Variants in GCAT observed in about 807,000 individuals in gnomAD.
GCAT encodes the protein 2-amino-3-ketobutyrate coenzyme A ligase, mitochondrial.
GCAT carries 26 observed loss-of-function variants against 39.7 expected under a neutral mutation model. The ratio of observed to expected loss-of-function variants is 0.65; its 90% CI spans 0.48 to 0.91. GCAT has a LOEUF of 0.91. GCAT is among the 40% of genes least tolerant of loss of function. GCAT has a pLI of 0.00. For synonymous variants in GCAT, 218 were observed against 237.2 expected, an observed-to-expected ratio of 0.92 and a Z score of 0.74; for missense variants, 550 against 576.2, an observed-to-expected ratio of 0.95 and a Z score of 0.47.
intron 3 of GCAT, 166 bp from the exon 4 acceptor site, chr22:37,813,297 C>G (rs143093958): frequency 2.6e-6 from 2 of 764,526 alleles, no homozygotes; most frequent in South Asian, 3.0e-5. Flanking sequence ...TGGTCCAGCC[C>G]GGCACTGAGA....
At chr22:37,814,015 C>T (rs566093334) in intron 4 of GCAT, among the ~76,000 whole-genome samples, 3 of 152,126 alleles carry the variant, frequency 2.0e-5, no homozygotes, top group Non-Finnish European at 4.4e-5. Flanking sequence ...ATTTCACCCA[C>T]CTAGGCCTCC....
At chr22:37,813,644 C>G in intron 4 of GCAT, 35 bp downstream of exon 4, 1 of 1,559,706 alleles carries the variant, frequency 6.4e-7, no homozygotes, top group Non-Finnish European at 8.6e-7. Flanking sequence ...TCAGCCTCCG[C>G]CTGGGGAAGG....
chr22:37,811,942 A>C (rs1304774289), intron 2 of GCAT, among the ~76,000 whole-genome samples: 1 of 151,472 alleles, frequency 6.6e-6, no homozygotes. Flanking sequence ...TGCTATTCTT[A>C]TTCCCGCTAT....
Position 37,810,139 on chromosome 22 carries a change from C to T in GCAT, c.309C>T (p.Arg103=), listed in dbSNP as rs1287708064. Residue 103 remains arginine (R), a synonymous_variant, in exon 2 of 9, where the codon CGC becomes CGT. Transcript: ENST00000248924. ...EEFGAGLSSV[R]FICGTQSIHK... is the part of the protein sequence containing the mutation. The stretch of plus-strand genomic sequence containing the variant: ...TTGGAGCTGGCCTCAGCTCTGTCCG[C>T]TTTATCTGTGGAACCCAGGTACACA... 3.7e-6 allele frequency: 6 copies of T among 1,613,198 alleles called. No homozygotes were observed. The African/African-American group carries it at 4.0e-5, about 11-fold the overall frequency.
chr22:37,815,683 G>T lies in GCAT; in HGVS notation c.835G>T (p.Gly279Trp), dbSNP rs147850478. Residue 279 changes from glycine (G) to tryptophan (W), a missense_variant, in exon 7 of 9, where the codon GGG becomes TGG. Physicochemically the swap from Gly to Trp is radical, Grantham distance 184. Transcript: ENST00000248924. ...GASGGYTTGP[G>W]PLVSLLRQRA... ...CTCAGGGGGCTACACGACAGGGCCT[G>T]GGCCCCTGGTGTCCCTGCTGCGGCA... 59 of 1,612,060 alleles carry T rather than the reference G, an allele frequency of 3.7e-5. No homozygotes were observed. Among genetic ancestry groups the T allele is most frequent in the Non-Finnish European group, 4.7e-5 (55 of 1,178,902 alleles).
rs201266387 is a variant in GCAT, at chr22:37,813,562, C to T, written c.529C>T (p.Arg177Cys). 21 of 1,613,420 alleles carry T rather than the reference C, an allele frequency of 1.3e-5. No individual in the cohort carries two copies. The highest frequency in any genetic ancestry group is 2.7e-5 in the African/African-American group (2 of 75,056). Residue 177 changes from arginine (R) to cysteine (C), a missense_variant, in exon 4 of 9, where the codon CGC becomes TGC. Arg to Cys is a radical substitution (Grantham distance 180). Transcript: ENST00000248924. ...RLCKAHKYRY[R>C]HLDMADLEAK... ...GTGCAAGGCCCACAAGTACCGCTAT[C>T]GCCACCTGGACATGGCCGACCTAGA... is the stretch of plus-strand genomic sequence containing the variant.
chr22:37,813,132 G>T, intron 3 of GCAT, 144 bp downstream of exon 3: 1 of 673,350 alleles, frequency 1.5e-6, no homozygotes. Flanking sequence ...TCAAGGTTGG[G>T]CCAGGTAGGT....
Position 37,815,663 on chromosome 22 carries a change from G to A in GCAT, c.815G>A (p.Gly272Glu). 6.2e-7 allele frequency: 1 copy of A among 1,609,200 alleles called. No individual in the cohort carries two copies. Among genetic ancestry groups the A allele is most frequent in the Non-Finnish European group, 8.5e-7 (1 of 1,176,754 alleles). ...CCCCCACCTCTTCCCTTCTTCTCAG[G>A]GGGCTACACGACAGGGCCTGGGCCC... Reference protein sequence around the residue: ...TLGKALGGASGGYTTGPGPLV... With the variant: ...TLGKALGGASEGYTTGPGPLV... The change falls in exon 7 of 9, where the codon GGG becomes GAG. Residue 272 changes from glycine to glutamate, a missense_variant and splice_region_variant. Physicochemically the swap from Gly to Glu is moderately conservative, Grantham distance 98. This residue lies in a region of GCAT where 378 missense variants were observed against 390.4 expected (regional missense o/e 0.97). Transcript: ENST00000248924.
chr22:37,813,282 G>C, intron 3 of GCAT, 181 bp from the exon 4 acceptor site: 1 of 733,306 alleles, frequency 1.4e-6, no homozygotes, highest in Non-Finnish European at 2.5e-6. Flanking sequence ...ACTAGAGCAG[G>C]GCGCTGGTCC....
chr22:37,814,367 GATTCTCCTGCCTCAGCCTCT>G (rs1921930496), intron 4 of GCAT, among the ~76,000 whole-genome samples: 1 of 152,110 alleles, frequency 6.6e-6, no homozygotes, highest in Non-Finnish European at 1.5e-5. Context: ...AGGTTCAATT[GATTCTCCTGCCTCAGCCTCT>G]GGAGTAGCTG....
intron 2 of GCAT, 21 bp from the exon 3 acceptor site, chr22:37,812,866 T>G: frequency 6.5e-7 from 1 of 1,533,428 alleles, no homozygotes; most frequent in South Asian, 1.1e-5. Flanking sequence ...CATCAACACG[T>G]GTCTCACTCA....
At chr22:37,812,628 C>T (rs762259767) in intron 2 of GCAT, among the ~76,000 whole-genome samples, 7 of 152,150 alleles carry the variant, frequency 4.6e-5, no homozygotes, top group South Asian at 2.1e-4. Flanking sequence ...CACGAGTGCC[C>T]GTAATTCCAC....
Position 37,813,619 on chromosome 22 carries a change from C to T in GCAT, c.576+10C>T, listed in dbSNP as rs751548268. The stretch of plus-strand genomic sequence containing the variant: ...GCTGCAGGAGGCCCAGGTGGGGCGA[C>T]GCCTGGGTCCACCCTCAGCCTCCGC... On this transcript the variant is annotated intron_variant, in intron 4 of 8. Transcript: ENST00000248924. The T allele has an allele frequency of 2.4e-5, 38 of 1,594,264 alleles. No homozygotes were observed. Among genetic ancestry groups the T allele is most frequent in the Admixed American group, 1.9e-4 (11 of 58,912 alleles).
rs56265312 is a variant in GCAT, at chr22:37,813,643, G to T, written c.576+34G>T. 1.0e-5 allele frequency: 16 copies of T among 1,559,798 alleles called. No homozygotes were observed. The East Asian group carries it at 2.9e-4, about 29-fold the overall frequency. The stretch of plus-strand genomic sequence containing the variant: ...ACGCCTGGGTCCACCCTCAGCCTCC[G>T]CCTGGGGAAGGAAGTGAGGCTTAGA... On this transcript the variant is annotated intron_variant, in intron 4 of 8. Coordinates refer to ENST00000248924, the MANE Select transcript of GCAT (RefSeq NM_014291.4).
At chr22:37,811,835 G>A (rs1211897944) in intron 2 of GCAT, among the ~76,000 whole-genome samples, 1 of 134,174 alleles carries the variant, frequency 7.5e-6, no homozygotes, top group African/African-American at 2.9e-5. Flanking sequence ...ACGACGGTGC[G>A]ACCACACTCC....
downstream of GCAT, chr22:37,817,092 A>G (rs1265541322): frequency 5.0e-6 from 1 of 199,668 alleles, no homozygotes; most frequent in Non-Finnish European, 1.1e-5. Context: ...TGGGAGGCCA[A>G]GGTAGGCGGA....
At chr22:37,809,864 A>T in intron 1 of GCAT, 163 bp from the exon 2 acceptor site, 1 of 852,548 alleles carries the variant, frequency 1.2e-6, no homozygotes, top group Non-Finnish European at 1.9e-6. Context: ...GATGTGTAGC[A>T]CTGACGCTCC....
Position 37,813,348 on chromosome 22 carries a change from C to T in GCAT, c.430-115C>T, listed in dbSNP as rs921333011. On this transcript the variant is annotated intron_variant, in intron 3 of 8. Transcript: ENST00000248924. ...GAGAAGCACAGAACACCTTGCCTCT[C>T]TACCCAGAGGAGCGCCCTGGCTGGC... 4.2e-6 allele frequency: 5 copies of T among 1,183,286 alleles called. No homozygotes were observed. The African/African-American group carries it at 4.5e-5, about 11-fold the overall frequency. 73.3% of individuals were successfully genotyped at this position (1,183,286 alleles called of 1,614,324 possible). A position where few individuals can be genotyped will look rare whatever the true frequency, so the allele number is the denominator to read the frequency against.
At position 37,816,239 on chromosome 22, in the gene GCAT, G is replaced by A. The variant is rs771102977; in HGVS notation, c.1026G>A (p.Ser342=). ...SKMEAAGFTI[S]GASHPICPVM... ...TGGAAGCTGCTGGCTTCACTATCTCGGGAGCCAGTCACCCCATCTGCCCTG... is the reference window on the plus strand; with the variant it reads ...TGGAAGCTGCTGGCTTCACTATCTCAGGAGCCAGTCACCCCATCTGCCCTG... The change falls in exon 8 of 9, where the codon TCG becomes TCA. Residue 342 remains serine, a synonymous_variant. Transcript: ENST00000248924. 45 of 1,613,304 alleles carry A rather than the reference G, an allele frequency of 2.8e-5. No homozygotes were observed. The highest frequency in any genetic ancestry group is 3.5e-5 in the Non-Finnish European group (41 of 1,179,980).
Sources: allele counts gnomAD v4.1 joint callset (sites outside exome capture counted in the v4.1 genomes callset), GRCh38; gene constraint gnomAD v4.1.1; regional missense constraint gnomAD v4.1.1; transcripts MANE v1.5; gene names NCBI Gene and HGNC (gene_info 2026-07-23, HGNC 2026-07-21).